TMEM108: variants seen among roughly 807,000 people sequenced by gnomAD.
TMEM108 encodes the protein transmembrane protein 108.
TMEM108 carries 12 observed loss-of-function variants against 35.1 expected under a neutral mutation model. That is an observed-to-expected ratio of 0.34 (90% CI 0.22 to 0.55). TMEM108 has a LOEUF of 0.55. TMEM108 is among the 20% of genes least tolerant of loss of function. The probability of loss-of-function intolerance (pLI) is 0.89; values close to 1 mark genes in which losing one functional copy is unlikely to be tolerated. For synonymous variants in TMEM108, 287 were observed against 308.6 expected, an observed-to-expected ratio of 0.93 and a Z score of 0.73; for missense variants, 680 against 753.3, an observed-to-expected ratio of 0.90 and a Z score of 1.14.
rs1469588300 is a variant in TMEM108, at chr3:133,392,135, CTCT to C, written c.1605+1806_1605+1808del. Reference sequence around the variant, plus strand: ...CCCCATCTCGGTCCTGCCACCACTTCTCTTCTTTTTTTTTTTTTTGGTTGTTGT... The same window carrying C: ...CCCCATCTCGGTCCTGCCACCACTTCTCTTTTTTTTTTTTTTGGTTGTTGT... On this transcript the variant is annotated intron_variant, in intron 5 of 5. Transcript: ENST00000321871. 2.0e-4 allele frequency among the ~76,000 whole-genome samples: 30 copies of C among 151,240 alleles called. 1 individual carries two copies. The highest frequency in any genetic ancestry group is 6.3e-4 in the South Asian group (3 of 4,766).
chr3:133,264,531 C>T (rs1347611974), intron 3 of TMEM108, among the ~76,000 whole-genome samples: 1 of 152,118 alleles, frequency 6.6e-6, no homozygotes, highest in African/African-American at 2.4e-5. Context: ...AGATGTAACA[C>T]CGTTTTGTAG....
chr3:133,046,531 A>T (rs371233197), intron 2 of TMEM108, among the ~76,000 whole-genome samples: 1 of 152,238 alleles, frequency 6.6e-6, no homozygotes, highest in Admixed American at 6.5e-5. Flanking sequence ...AGCAAAGTAC[A>T]TGGTTTTGCC....
At chr3:133,312,099 G>A (rs1001237116) in intron 3 of TMEM108, among the ~76,000 whole-genome samples, 1 of 152,190 alleles carries the variant, frequency 6.6e-6, no homozygotes, top group African/African-American at 2.4e-5. Context: ...TCCTTCCTCT[G>A]GAAGCTTCAT....
At chr3:133,052,436 A>G (rs963078541) in intron 2 of TMEM108, among the ~76,000 whole-genome samples, 14 of 151,506 alleles carry the variant, frequency 9.2e-5, no homozygotes, top group Admixed American at 9.2e-4. Flanking sequence ...CTGAACAAAG[A>G]TACTTTTATT....
intron 3 of TMEM108, among the ~76,000 whole-genome samples, chr3:133,369,415 T>G (rs1345269097): frequency 6.6e-6 from 1 of 152,220 alleles, no homozygotes; most frequent in Non-Finnish European, 1.5e-5. Context: ...CAGGGTAATC[T>G]AGCCCCGTGG....
At chr3:133,177,090 C>T (rs1409876046) in intron 2 of TMEM108, among the ~76,000 whole-genome samples, 1 of 152,174 alleles carries the variant, frequency 6.6e-6, no homozygotes, top group African/African-American at 2.4e-5. Context: ...TTCCTCGATA[C>T]ATACACCCTC....
intron 3 of TMEM108, among the ~76,000 whole-genome samples, chr3:133,318,614 C>T (rs1408594961): frequency 6.6e-6 from 1 of 152,142 alleles, no homozygotes; most frequent in African/African-American, 2.4e-5. Context: ...GATGAGGGTG[C>T]ACTCAACAAA....
chr3:133,085,556 A>C (rs886844260), intron 2 of TMEM108, among the ~76,000 whole-genome samples: 2 of 152,126 alleles, frequency 1.3e-5, no homozygotes, highest in Admixed American at 6.6e-5. Flanking sequence ...GTTTTCATCT[A>C]TTCAGTATGT....
Position 133,134,710 on chromosome 3 carries a change from A to G in TMEM108, c.-47+88690A>G, listed in dbSNP as rs554407787. ...AGAGTGGTGAAGTCAGTCTGGATTT[A>G]GTGTAACTGTCACCTGAATAGTGTG... On this transcript the variant is annotated intron_variant, in intron 2 of 5. Transcript: ENST00000321871. Among the ~76,000 whole-genome samples the G allele has an allele frequency of 4.6e-5, 7 of 152,270 alleles. No homozygotes were observed. The South Asian group carries it at 1.2e-3, about 27-fold the overall frequency.
At chr3:133,160,013 A>C (rs1353977812) in intron 2 of TMEM108, among the ~76,000 whole-genome samples, 1 of 152,220 alleles carries the variant, frequency 6.6e-6, no homozygotes, top group Non-Finnish European at 1.5e-5. Flanking sequence ...AGAATCAAAC[A>C]GCACATGCTA....
At chr3:133,206,873 A>G (rs1945762880) in intron 2 of TMEM108, among the ~76,000 whole-genome samples, 1 of 152,212 alleles carries the variant, frequency 6.6e-6, no homozygotes, top group African/African-American at 2.4e-5. Context: ...GCATGTAGGA[A>G]CACTTAAGTC....
intron 2 of TMEM108, among the ~76,000 whole-genome samples, chr3:133,181,777 G>A (rs1945349753): frequency 6.6e-6 from 1 of 152,170 alleles, no homozygotes; most frequent in African/African-American, 2.4e-5. Context: ...TTGGACTTTG[G>A]TAATTGCAAC....
At chr3:133,297,490 A>G (rs917973917) in intron 3 of TMEM108, among the ~76,000 whole-genome samples, 2 of 152,166 alleles carry the variant, frequency 1.3e-5, no homozygotes, top group East Asian at 1.9e-4. Flanking sequence ...CTCACTAAAC[A>G]TGATCTAGAT....
At chr3:133,196,682 A>C (rs1051923285) in intron 2 of TMEM108, among the ~76,000 whole-genome samples, 1 of 152,178 alleles carries the variant, frequency 6.6e-6, no homozygotes, top group Non-Finnish European at 1.5e-5. Context: ...TATCCATCTC[A>C]AGTAACAAGA....
At position 133,093,593 on chromosome 3, in the gene TMEM108, G is replaced by A. The variant is rs556463323; in HGVS notation, c.-47+47573G>A. Among the ~76,000 whole-genome samples the A allele has an allele frequency of 1.2e-4, 18 of 152,216 alleles. No individual in the cohort carries two copies. In the South Asian group the frequency reaches 2.9e-3, roughly 25 times the overall value. On this transcript the variant is annotated intron_variant, in intron 2 of 5. Transcript: ENST00000321871. ...CATTACATCAGATCTAAAATGCTTG[G>A]CAATATTCTCACTTCTGTGACTTGT...
At chr3:133,393,243 C>T (rs1456351272) in intron 5 of TMEM108, among the ~76,000 whole-genome samples, 4 of 152,196 alleles carry the variant, frequency 2.6e-5, no homozygotes, top group Non-Finnish European at 1.5e-5. Context: ...GCCCTCCCTC[C>T]CTTACCACTC....
chr3:133,135,491 G>T lies in TMEM108; in HGVS notation c.-47+89471G>T, dbSNP rs188546906. ...GGAGCTTAGGCGCGGGTTGGTGCCA[G>T]ATGGAGCTAGAGAGGTGAATTAGCT... is the stretch of plus-strand genomic sequence containing the variant. On this transcript the variant is annotated intron_variant, in intron 2 of 5. Coordinates refer to ENST00000321871, the MANE Select transcript of TMEM108 (RefSeq NM_023943.4). Among the ~76,000 whole-genome samples, 7 of 152,324 alleles carry T rather than the reference G, an allele frequency of 4.6e-5. No individual in the cohort carries two copies. In the East Asian group the frequency reaches 1.3e-3, roughly 29 times the overall value.
intron 3 of TMEM108, among the ~76,000 whole-genome samples, chr3:133,255,261 T>A (rs1435574788): frequency 6.6e-6 from 1 of 152,196 alleles, no homozygotes; most frequent in African/African-American, 2.4e-5. Flanking sequence ...GACAGTCTGT[T>A]ACACTATATA....
intron 3 of TMEM108, among the ~76,000 whole-genome samples, chr3:133,373,586 G>A (rs1427853046): frequency 5.3e-5 from 8 of 152,064 alleles, no homozygotes. Flanking sequence ...TCTGTAAAGT[G>A]GAGGAGCTGA....
Sources: gnomAD v4.1 joint callset for allele counts (sites outside exome capture counted in the v4.1 genomes callset) on GRCh38, gnomAD v4.1.1 for gene constraint, MANE v1.5 for transcripts, NCBI Gene and HGNC (gene_info 2026-07-23, HGNC 2026-07-21) for gene names.